The following FSTL4 variants were observed in gnomAD, a reference collection of about 807,000 sequenced individuals.
FSTL4 encodes the protein follistatin like 4, also known as follistatin-related protein 4.
Under a neutral mutation model 78.2 loss-of-function variants are expected in FSTL4, and 28 were observed. The observed-to-expected ratio is 0.36, with a 90% CI of 0.27 to 0.49. The LOEUF (loss-of-function observed/expected upper bound fraction) is 0.49, where lower values mean the gene tolerates loss of function less well. FSTL4 is among the 20% of genes least tolerant of loss of function. The probability of loss-of-function intolerance (pLI) is 0.98; values close to 1 mark genes in which losing one functional copy is unlikely to be tolerated. For synonymous variants in FSTL4, 422 were observed against 440.5 expected (o/e 0.96, Z 0.53); for missense variants, 922 against 1,084.9 (o/e 0.85, Z 2.11).
At chr5:133,761,928 C>T in the FSTL4 span, among the ~76,000 whole-genome samples, 1 of 152,086 alleles carries the variant, frequency 6.6e-6, no homozygotes, top group Non-Finnish European at 1.5e-5. Flanking sequence ...TATTAATTTT[C>T]TTACTGTCAG....
At chr5:133,411,828 AAAAATATT>A (rs1756482281) in intron 3 of FSTL4, among the ~76,000 whole-genome samples, 1 of 152,202 alleles carries the variant, frequency 6.6e-6, no homozygotes. Flanking sequence ...ACTCCAGTGA[AAAAATATT>A]AAAATTATAA....
chr5:133,278,208 A>C (rs1322972011), intron 6 of FSTL4, among the ~76,000 whole-genome samples: 1 of 152,170 alleles, frequency 6.6e-6, no homozygotes, highest in African/African-American at 2.4e-5. Context: ...AAGAACGGCC[A>C]GTCTATAGGA....
rs557619509 is a variant in FSTL4, at chr5:133,260,161, G to A, written c.728-10585C>T. ...AGTTTCCTGGGGTTGGACTGTGTCC[G>A]GCGGGCCGCTCGAGCAGCCGAAGGC... On this transcript the variant is annotated intron_variant, in intron 6 of 15. Coordinates refer to ENST00000265342, the MANE Select transcript of FSTL4 (RefSeq NM_015082.2). Among the ~76,000 whole-genome samples the A allele has an allele frequency of 3.3e-5, 5 of 152,284 alleles. No individual in the cohort carries two copies. The South Asian group carries it at 8.3e-4, about 25-fold the overall frequency.
chr5:133,542,233 C>A (rs1228865623), intron 3 of FSTL4, among the ~76,000 whole-genome samples: 1 of 152,080 alleles, frequency 6.6e-6, no homozygotes, highest in Non-Finnish European at 1.5e-5. Flanking sequence ...TTTCTTATAT[C>A]TATTGAGATG....
At chr5:133,279,670 G>C (rs1317416887) in intron 6 of FSTL4, among the ~76,000 whole-genome samples, 1 of 152,216 alleles carries the variant, frequency 6.6e-6, no homozygotes, top group East Asian at 1.9e-4. Flanking sequence ...TGAGACCCAC[G>C]TCAGGGCATG....
chr5:133,439,080 G>A (rs555095899), intron 3 of FSTL4, among the ~76,000 whole-genome samples: 51 of 152,270 alleles, frequency 3.3e-4, no homozygotes, highest in African/African-American at 1.2e-3. Flanking sequence ...ACAGAGAAAT[G>A]GCCAAGTGTG....
intron 3 of FSTL4, among the ~76,000 whole-genome samples, chr5:133,424,829 C>A (rs77323328): frequency 0.041 from 6,172 of 152,266 alleles, 203 homozygotes; most frequent in African/African-American, 0.085. Flanking sequence ...GAGAATAAGC[C>A]TTTCCCTGAA....
chr5:133,464,960 C>T (rs1035252031), intron 3 of FSTL4, among the ~76,000 whole-genome samples: 5 of 152,208 alleles, frequency 3.3e-5, no homozygotes, highest in African/African-American at 1.2e-4. Flanking sequence ...CAACCCCCAC[C>T]TACCTTTGCT....
intron 4 of FSTL4, among the ~76,000 whole-genome samples, chr5:133,321,571 C>T (rs767448696): frequency 1.4e-4 from 22 of 152,168 alleles, no homozygotes; most frequent in Admixed American, 3.9e-4. Flanking sequence ...GCAGGCCGGG[C>T]GCGGTGGCTC....
intron 4 of FSTL4, among the ~76,000 whole-genome samples, chr5:133,320,279 A>T (rs1337351585): frequency 6.6e-6 from 1 of 152,080 alleles, no homozygotes; most frequent in Non-Finnish European, 1.5e-5. Context: ...AAGGTGTGTC[A>T]AAGTCATAGG....
Position 133,249,585 on chromosome 5 carries a change from G to A in FSTL4, c.728-9C>T. ...GCTGAGCTGAACCACTTCTGCAGAG[G>A]GAAAGGAGGAGGCACGGTCAGGTGC... On this transcript the variant is annotated splice_polypyrimidine_tract_variant and intron_variant, in intron 6 of 15. Coordinates refer to ENST00000265342, the MANE Select transcript of FSTL4 (RefSeq NM_015082.2). 6.2e-7 allele frequency: 1 copy of A among 1,604,960 alleles called. No individual in the cohort carries two copies. The highest frequency in any genetic ancestry group is 1.1e-5 in the South Asian group (1 of 90,822).
the FSTL4 span, among the ~76,000 whole-genome samples, chr5:133,780,862 C>G: frequency 1.3e-5 from 2 of 152,200 alleles, no homozygotes; most frequent in African/African-American, 4.8e-5. Flanking sequence ...CCAGAGGCTT[C>G]AGAGGATCTG....
chr5:133,604,456 C>T (rs1297150967), intron 1 of FSTL4, among the ~76,000 whole-genome samples: 3 of 152,118 alleles, frequency 2.0e-5, no homozygotes, highest in South Asian at 2.1e-4. Context: ...AACCTGTAAT[C>T]CCAGCACTTT....
At chr5:133,668,586 T>C in the FSTL4 span, among the ~76,000 whole-genome samples, 4 of 152,148 alleles carry the variant, frequency 2.6e-5, no homozygotes, top group African/African-American at 9.7e-5. Flanking sequence ...CAGGCCTGAG[T>C]GGCCAGCCTT....
At chr5:133,239,174 T>C (rs1229488844) in intron 7 of FSTL4, among the ~76,000 whole-genome samples, 1 of 152,134 alleles carries the variant, frequency 6.6e-6, no homozygotes, top group East Asian at 1.9e-4. Flanking sequence ...CTTAGCTGCC[T>C]CCCTGCGGGG....
At chr5:133,802,750 C>T in the FSTL4 span, among the ~76,000 whole-genome samples, 1 of 152,234 alleles carries the variant, frequency 6.6e-6, no homozygotes, top group Non-Finnish European at 1.5e-5. Context: ...TTCTGCTCTC[C>T]TTGTGGTCCT....
the FSTL4 span, among the ~76,000 whole-genome samples, chr5:133,621,725 C>A: frequency 6.6e-6 from 1 of 151,946 alleles, no homozygotes; most frequent in Non-Finnish European, 1.5e-5. Flanking sequence ...TAACCACATA[C>A]CACCTGTATC....
intron 6 of FSTL4, among the ~76,000 whole-genome samples, chr5:133,251,182 C>A (rs1752222191): frequency 6.6e-6 from 1 of 152,174 alleles, no homozygotes; most frequent in African/African-American, 2.4e-5. Context: ...CATGACCCGG[C>A]CTTTGGAGAG....
the FSTL4 span, among the ~76,000 whole-genome samples, chr5:133,706,203 A>G: frequency 6.6e-6 from 1 of 152,206 alleles, no homozygotes; most frequent in African/African-American, 2.4e-5. Flanking sequence ...AATAATACCT[A>G]CTTAATAGGG....
Sources: allele counts gnomAD v4.1 joint callset (sites outside exome capture counted in the v4.1 genomes callset), GRCh38; gene constraint gnomAD v4.1.1; transcripts MANE v1.5; gene names NCBI Gene and HGNC (gene_info 2026-07-23, HGNC 2026-07-21).